The following ARMC2 variants were observed in gnomAD, a reference collection of about 807,000 sequenced individuals.
ARMC2 encodes the protein armadillo repeat-containing protein 2.
A neutral mutation model predicts 90.3 loss-of-function variants in ARMC2; 67 were observed. The ratio of observed to expected loss-of-function variants is 0.74; its 90% CI spans 0.61 to 0.91. The LOEUF is 0.91. Ranked by LOEUF, ARMC2 falls within the 40% of genes least tolerant of loss-of-function variation. The pLI is 0.00. For synonymous variants in ARMC2, 393 were observed against 393.0 expected (o/e 1.00, Z 0.00); for missense variants, 920 against 1,030.9 (o/e 0.89, Z 1.47).
chr6:108,912,524 C>T lies in ARMC2; in HGVS notation c.1316C>T (p.Thr439Ile). The change falls in exon 10 of 18, where the codon ACA (threonine) becomes ATA (isoleucine). Residue 439 changes from threonine (T) to isoleucine (I), a missense_variant. Transcript: ENST00000392644. ...AATGAGAACATCAAGAAATGTGGTA[C>T]ATTTTTGCCTAATTCGGGCCACTTG... ...QINENIKKCG[T>I]FLPNSGHLLV... 2 of 1,613,912 alleles carry T rather than the reference C, an allele frequency of 1.2e-6. No individual in the cohort carries two copies. Among genetic ancestry groups the T allele is most frequent in the East Asian group, 2.2e-5 (1 of 44,880 alleles).
At chr6:108,889,051 C>T (rs1770677106) in intron 5 of ARMC2, among the ~76,000 whole-genome samples, 1 of 152,200 alleles carries the variant, frequency 6.6e-6, no homozygotes, top group African/African-American at 2.4e-5. Context: ...ATCCCCTGCC[C>T]TCAGTATCAG....
chr6:109,034,512 T>C, the ARMC2 span, among the ~76,000 whole-genome samples: 2 of 152,210 alleles, frequency 1.3e-5, no homozygotes, highest in African/African-American at 4.8e-5. Flanking sequence ...ATCGTAGAAA[T>C]GTGTAGTTTC....
chr6:108,987,039 C>G, the ARMC2 span: 2 of 152,720 alleles, frequency 1.3e-5, no homozygotes, highest in Non-Finnish European at 2.9e-5. Flanking sequence ...TTTGAAATCA[C>G]ACAAGTTATG....
intron 5 of ARMC2, among the ~76,000 whole-genome samples, chr6:108,891,537 G>A (rs1486426158): frequency 4.6e-5 from 7 of 152,148 alleles, no homozygotes; most frequent in Admixed American, 6.5e-5. Flanking sequence ...TTTGTTGGCC[G>A]CATAAATGTC....
the ARMC2 span, among the ~76,000 whole-genome samples, chr6:109,020,197 T>A: frequency 6.6e-6 from 1 of 152,174 alleles, no homozygotes; most frequent in Non-Finnish European, 1.5e-5. Context: ...TTTCTTTTTT[T>A]TATGTATTGT....
intron 12 of ARMC2, among the ~76,000 whole-genome samples, chr6:108,939,635 C>A (rs1162460486): frequency 6.6e-6 from 1 of 152,192 alleles, no homozygotes; most frequent in Non-Finnish European, 1.5e-5. Flanking sequence ...AATTCAATCT[C>A]TTTTCTTGAT....
chr6:108,883,905 GA>G (rs1391495360), intron 5 of ARMC2, among the ~76,000 whole-genome samples: 1 of 151,858 alleles, frequency 6.6e-6, no homozygotes, highest in African/African-American at 2.4e-5. Flanking sequence ...AATATGTCTG[GA>G]ATGATGTTGA....
At chr6:108,985,079 C>T in the ARMC2 span, among the ~76,000 whole-genome samples, 2 of 152,072 alleles carry the variant, frequency 1.3e-5, no homozygotes, top group Non-Finnish European at 2.9e-5. Flanking sequence ...TTCACATATA[C>T]AAATATGCTA....
chr6:109,005,530 A>G, the ARMC2 span, among the ~76,000 whole-genome samples: 1 of 152,224 alleles, frequency 6.6e-6, no homozygotes, highest in South Asian at 2.1e-4. Context: ...TACCAAATAT[A>G]TAGTTTATAT....
intron 6 of ARMC2, among the ~76,000 whole-genome samples, chr6:108,897,552 C>T (rs1771720613): frequency 6.6e-6 from 1 of 151,938 alleles, no homozygotes; most frequent in African/African-American, 2.4e-5. Context: ...CTGTGTGGCT[C>T]AGCTGCTCTT....
At chr6:109,044,258 G>GCCGTGATC in the ARMC2 span, among the ~76,000 whole-genome samples, 3 of 133,586 alleles carry the variant, frequency 2.2e-5, no homozygotes, top group Admixed American at 2.6e-4. Context: ...AGGGCAGTGA[G>GCCGTGATC]CCGTGATCAC....
At chr6:108,896,657 C>T (rs1373507798) in intron 6 of ARMC2, among the ~76,000 whole-genome samples, 3 of 152,056 alleles carry the variant, frequency 2.0e-5, no homozygotes, top group Admixed American at 1.3e-4. Context: ...CAGAAGGGCC[C>T]GTAAGGGTTA....
chr6:109,032,961 T>C, the ARMC2 span, among the ~76,000 whole-genome samples: 3 of 152,164 alleles, frequency 2.0e-5, no homozygotes, highest in Non-Finnish European at 2.9e-5. Context: ...AGGTATTTCA[T>C]TGTATACAAA....
At chr6:108,993,668 T>C in the ARMC2 span, among the ~76,000 whole-genome samples, 6 of 152,194 alleles carry the variant, frequency 3.9e-5, no homozygotes, top group Non-Finnish European at 5.9e-5. Context: ...AGCCTGCATA[T>C]AGATAAAGGT....
At chr6:108,946,094 C>T (rs1444534377) in intron 12 of ARMC2, among the ~76,000 whole-genome samples, 1 of 152,270 alleles carries the variant, frequency 6.6e-6, no homozygotes, top group East Asian at 1.9e-4. Context: ...ACAATACGCC[C>T]TTAGCTTGTT....
At position 108,973,832 on chromosome 6, in the gene ARMC2, T is replaced by G; in HGVS notation, c.*318T>G. ...TCTTAAAATCTTGATTTAACAATTT[T>G]GGAATTGAAGTGTTCATAAGTTAAA... On this transcript the variant is annotated 3_prime_UTR_variant, in exon 18 of 18. Coordinates refer to ENST00000392644, the MANE Select transcript of ARMC2 (RefSeq NM_032131.6). The G allele has an allele frequency of 4.6e-6, 1 of 216,726 alleles. No individual in the cohort carries two copies. The highest frequency in any genetic ancestry group is 9.5e-5 in the South Asian group (1 of 10,476). 13.4% of individuals were successfully genotyped at this position (216,726 alleles called of 1,614,324 possible).
chr6:109,002,783 A>G, the ARMC2 span, among the ~76,000 whole-genome samples: 3 of 152,244 alleles, frequency 2.0e-5, no homozygotes, highest in African/African-American at 7.2e-5. Flanking sequence ...TGTAATTATT[A>G]TTACATCTAA....
intron 3 of ARMC2, among the ~76,000 whole-genome samples, chr6:108,863,514 A>T (rs1021574492): frequency 6.6e-6 from 1 of 152,064 alleles, no homozygotes; most frequent in African/African-American, 2.4e-5. Context: ...GGTGATAGTT[A>T]CTCCATTTTT....
At chr6:108,855,532 T>G (rs1774481527) in intron 2 of ARMC2, among the ~76,000 whole-genome samples, 1 of 152,210 alleles carries the variant, frequency 6.6e-6, no homozygotes, top group Admixed American at 6.5e-5. Flanking sequence ...ATTACAGGCG[T>G]GAGCGACCTC....
Sources: allele counts gnomAD v4.1 joint callset (sites outside exome capture counted in the v4.1 genomes callset), GRCh38; gene constraint gnomAD v4.1.1; transcripts MANE v1.5; gene names NCBI Gene and HGNC (gene_info 2026-07-23, HGNC 2026-07-21).